The following SENP6 variants were observed in gnomAD, a reference collection of about 807,000 sequenced individuals.
SENP6 encodes SUMO specific peptidase 6, also known as sentrin-specific protease 6.
SENP6 carries 41 observed loss-of-function variants against 134.5 expected under a neutral mutation model. That is an observed-to-expected ratio of 0.30 (90% CI 0.24 to 0.40). The LOEUF (loss-of-function observed/expected upper bound fraction) is 0.40, where lower values mean the gene tolerates loss of function less well. Ranked by LOEUF, SENP6 falls within the 10% of genes least tolerant of loss-of-function variation. The pLI is 1.00. For synonymous variants in SENP6, 395 were observed against 429.8 expected, an observed-to-expected ratio of 0.92 and a Z score of 1.00; for missense variants, 1,248 against 1,312.5, an observed-to-expected ratio of 0.95 and a Z score of 0.76.
chr6:75,667,712 A>G (rs924142895), intron 10 of SENP6, among the ~76,000 whole-genome samples: 1 of 152,202 alleles, frequency 6.6e-6, no homozygotes, highest in Non-Finnish European at 1.5e-5. Flanking sequence ...ATTTGACCAA[A>G]TAATTAATTC....
intron 9 of SENP6, among the ~76,000 whole-genome samples, chr6:75,664,009 C>T (rs1771991624): frequency 6.6e-6 from 1 of 151,988 alleles, no homozygotes. Context: ...GACTGGTTGA[C>T]TAGAGTATAC....
chr6:75,666,892 C>T lies in SENP6; in HGVS notation c.1175C>T (p.Ser392Leu). 1 of 1,610,806 alleles carries T rather than the reference C, an allele frequency of 6.2e-7. No homozygotes were observed. Among genetic ancestry groups the T allele is most frequent in the South Asian group, 1.1e-5 (1 of 90,838 alleles). The change falls in exon 10 of 24, where the codon TCA (serine) becomes TTA (leucine). Residue 392 changes from serine (S) to leucine (L), a missense_variant. Ser to Leu is a moderately radical substitution (Grantham distance 145). Around this residue, in one of 3 missense-constraint regions of SENP6, gnomAD observed 733 missense variants for 725.4 expected, o/e 1.01. Transcript: ENST00000447266. ...ERELRSIPED[S>L]ELNTVTLPRK... ...GAACTACGAAGCATTCCAGAAGACT[C>T]AGAGTTAAATACAGTTACATTGCCA...
At chr6:75,605,578 C>T (rs554489500) in intron 1 of SENP6, among the ~76,000 whole-genome samples, 1 of 152,174 alleles carries the variant, frequency 6.6e-6, no homozygotes, top group Admixed American at 6.5e-5. Context: ...AAGTAAACAC[C>T]TTAACTAAGA....
At chr6:75,687,081 G>A (rs915081076) in intron 16 of SENP6, among the ~76,000 whole-genome samples, 1 of 152,104 alleles carries the variant, frequency 6.6e-6, no homozygotes, top group African/African-American at 2.4e-5. Context: ...ATTTCTTGGA[G>A]GCTTTGTTTG....
rs758536273 is a variant in SENP6, at chr6:75,666,967, G to T, written c.1224+26G>T. ...GTACTTTTCACTTTTGTTGACATTT[G>T]TTCAGATTAATGCCTCCATTTTGGG... On this transcript the variant is annotated intron_variant, in intron 10 of 23. Transcript: ENST00000447266. 5 of 1,512,250 alleles carry T rather than the reference G, an allele frequency of 3.3e-6. No individual in the cohort carries two copies. The South Asian group carries it at 3.6e-5, about 11-fold the overall frequency. The allele number at this position is 1,512,250 out of a possible 1,614,324, so 93.7% of individuals were successfully genotyped here.
Position 75,634,831 on chromosome 6 carries a change from T to G in SENP6, c.458+20T>G. The G allele has an allele frequency of 6.7e-7, 1 of 1,486,280 alleles. No homozygotes were observed. Among genetic ancestry groups the G allele is most frequent in the Non-Finnish European group, 9.3e-7 (1 of 1,075,156 alleles). 92.1% of individuals were successfully genotyped at this position (1,486,280 alleles called of 1,614,324 possible). ...CCAAAGGTAAGAATTCTAATTGTCT[T>G]TGGTTAGTATATACATGGCATCTTC... is the stretch of plus-strand genomic sequence containing the variant. On this transcript the variant is annotated intron_variant, in intron 5 of 23. Coordinates refer to ENST00000447266, the MANE Select transcript of SENP6 (RefSeq NM_015571.4).
chr6:75,703,189 C>G (rs1057009517), intron 19 of SENP6, 117 bp downstream of exon 19: 10 of 873,954 alleles, frequency 1.1e-5, no homozygotes, highest in Non-Finnish European at 1.4e-5. Context: ...GGTGTGGTGG[C>G]TCACGCTTAT....
intron 1 of SENP6, among the ~76,000 whole-genome samples, chr6:75,613,144 C>T (rs1420490552): frequency 6.6e-6 from 1 of 151,456 alleles, no homozygotes; most frequent in African/African-American, 2.4e-5. Context: ...AAAACTATGA[C>T]CCAGCCAAAT....
chr6:75,671,023 A>C (rs1772634034), intron 11 of SENP6, among the ~76,000 whole-genome samples: 1 of 152,090 alleles, frequency 6.6e-6, no homozygotes, highest in Admixed American at 6.6e-5. Flanking sequence ...CATGAAAAGA[A>C]TATATTAAAG....
intron 1 of SENP6, among the ~76,000 whole-genome samples, chr6:75,608,282 G>A (rs1427184083): frequency 6.6e-6 from 1 of 151,908 alleles, no homozygotes; most frequent in East Asian, 1.9e-4. Context: ...GCAACATAAC[G>A]AGGCCCCATC....
chr6:75,713,627 T>C, intron 22 of SENP6, 46 bp downstream of exon 22: 14 of 1,594,308 alleles, frequency 8.8e-6, no homozygotes, highest in Non-Finnish European at 1.1e-5. Flanking sequence ...TGAAGAACTA[T>C]GTATATTTAT....
intron 18 of SENP6, among the ~76,000 whole-genome samples, chr6:75,700,087 T>C (rs1043998456): frequency 1.3e-5 from 2 of 152,002 alleles, no homozygotes; most frequent in Non-Finnish European, 2.9e-5. Context: ...TTTTTTAAAA[T>C]TTTTTTGGAG....
At chr6:75,605,027 C>G (rs972894327) in intron 1 of SENP6, among the ~76,000 whole-genome samples, 2 of 152,148 alleles carry the variant, frequency 1.3e-5, no homozygotes, top group East Asian at 1.9e-4. Context: ...GAGCCGAGAT[C>G]GCACCATTCG....
intron 1 of SENP6, among the ~76,000 whole-genome samples, chr6:75,607,286 C>G (rs1057367861): frequency 4.0e-5 from 6 of 151,522 alleles, no homozygotes; most frequent in African/African-American, 1.5e-4. Flanking sequence ...GAGTACAGAG[C>G]GAGACCCTGC....
At position 75,684,913 on chromosome 6, in the gene SENP6, A is replaced by G. The variant is rs574868309; in HGVS notation, c.2075+5986A>G. On this transcript the variant is annotated intron_variant, in intron 16 of 23. Coordinates refer to ENST00000447266, the MANE Select transcript of SENP6 (RefSeq NM_015571.4). ...GGTATCAGGATGATTCTGGCCTCAT[A>G]AAATGAGTTAGGGAGGATTTCCTCT... Among the ~76,000 whole-genome samples the G allele has an allele frequency of 3.9e-5, 6 of 152,350 alleles. No individual in the cohort carries two copies. In the South Asian group the frequency reaches 1.2e-3, roughly 32 times the overall value.
chr6:75,684,440 T>G (rs1160202385), intron 16 of SENP6, among the ~76,000 whole-genome samples: 1 of 152,232 alleles, frequency 6.6e-6, no homozygotes, highest in Non-Finnish European at 1.5e-5. Context: ...CTATGTTGAA[T>G]AGGAGTGGTG....
intron 5 of SENP6, among the ~76,000 whole-genome samples, chr6:75,638,242 G>GTTTTT (rs59853416): frequency 7.0e-6 from 1 of 142,318 alleles, no homozygotes; most frequent in East Asian, 2.0e-4. Context: ...CTTTTCTTTT[G>GTTTTT]TTTTTTTTTT....
chr6:75,626,125 T>TTTGTTG (rs146047951), intron 3 of SENP6, among the ~76,000 whole-genome samples: 62 of 151,050 alleles, frequency 4.1e-4, no homozygotes, highest in East Asian at 1.4e-3. Context: ...GAGAGTTAGG[T>TTTGTTG]TTGTTGTTGT....
chr6:75,602,316 C>A lies in SENP6; in HGVS notation c.-209C>A, dbSNP rs763790632. 77 of 474,894 alleles carry A rather than the reference C, an allele frequency of 1.6e-4. No individual in the cohort carries two copies. Among genetic ancestry groups the A allele is most frequent in the Non-Finnish European group, 8.4e-5 (23 of 274,512 alleles). 29.4% of individuals were successfully genotyped at this position (474,894 alleles called of 1,614,324 possible). On this transcript the variant is annotated 5_prime_UTR_variant, in exon 1 of 24. In the 5' UTR this introduces an upstream ATG that the reference lacks. Coordinates refer to ENST00000447266, the MANE Select transcript of SENP6 (RefSeq NM_015571.4). ...TGAGAAGCTCGGGCCGCGGGCCTCGCTGCCCGCCAGCCCGCGGACAGGCCC... is the reference window on the plus strand; with the variant it reads ...TGAGAAGCTCGGGCCGCGGGCCTCGATGCCCGCCAGCCCGCGGACAGGCCC...
Sources: gnomAD v4.1 joint callset for allele counts (sites outside exome capture counted in the v4.1 genomes callset) on GRCh38, gnomAD v4.1.1 for gene constraint, gnomAD v4.1.1 regional missense constraint, MANE v1.5 for transcripts, NCBI Gene and HGNC (gene_info 2026-07-23, HGNC 2026-07-21) for gene names.